Variants in SEC14L5 observed in about 807,000 individuals in gnomAD.
SEC14L5 encodes SEC14-like protein 5.
Under a neutral mutation model 84.6 loss-of-function variants are expected in SEC14L5, and 96 were observed. That is an observed-to-expected ratio of 1.13 (90% confidence interval 0.96 to 1.34). SEC14L5 has a LOEUF of 1.34. Among genes scored for constraint, SEC14L5 ranks in the 40% most tolerant of loss-of-function variants. SEC14L5 has a pLI of 0.00. For missense variants in SEC14L5, 1,224 were observed against 942.5 expected (o/e 1.30, Z -3.91); for synonymous variants, 546 against 383.4 (o/e 1.42, Z -4.95).
chr16:4,983,982 GAGAA>G (rs1321192021), intron 2 of SEC14L5, among the ~76,000 whole-genome samples: 3 of 152,120 alleles, frequency 2.0e-5, no homozygotes, highest in Non-Finnish European at 2.9e-5. Context: ...CACTTGGAGA[GAGAA>G]AGACACTTTT....
chr16:4,990,963 T>G lies in SEC14L5; in HGVS notation c.474+68T>G, dbSNP rs1955547174. 2.9e-6 allele frequency: 4 copies of G among 1,373,774 alleles called. No individual in the cohort carries two copies. In the African/African-American group the frequency reaches 4.5e-5, roughly 16 times the overall value. The allele number at this position is 1,373,774 out of a possible 1,614,324, so 85.1% of individuals were successfully genotyped here. ...ACCTGCTCTGCCATCAACAGCTGCA[T>G]GACCCCTGGCAAGACCCTTACCCTT... On this transcript the variant is annotated intron_variant, in intron 5 of 15. Transcript: ENST00000251170.
chr16:4,987,418 G>C (rs554134393), intron 2 of SEC14L5, 139 bp from the exon 3 acceptor site: 4 of 653,302 alleles, frequency 6.1e-6, no homozygotes, highest in Non-Finnish European at 1.0e-5. Context: ...TGGTAATGAC[G>C]GCAAAATCCC....
At chr16:4,966,515 T>TC (rs1201337551) in intron 2 of SEC14L5, among the ~76,000 whole-genome samples, 1 of 145,466 alleles carries the variant, frequency 6.9e-6, no homozygotes, top group Non-Finnish European at 1.5e-5. Context: ...CCTCAGGTAA[T>TC]CACCCGACTT....
chr16:4,968,047 C>A (rs1156836450), intron 2 of SEC14L5, among the ~76,000 whole-genome samples: 1 of 144,668 alleles, frequency 6.9e-6, no homozygotes, highest in Non-Finnish European at 1.5e-5. Context: ...GAGACAGGGG[C>A]TTGCTCTGTT....
Position 5,011,236 on chromosome 16 carries a change from C to T in SEC14L5, c.1942C>T (p.Leu648Phe), listed in dbSNP as rs751564711. Reference sequence around the variant, plus strand: ...CAGCCCCGGGCCCAAGTGCAAACTTCTCTACTACTGTGAGGTGCTCGCCTC... The same window carrying T: ...CAGCCCCGGGCCCAAGTGCAAACTTTTCTACTACTGTGAGGTGCTCGCCTC... ...LHSPGPKCKL[L>F]YYCEVLASED... The change falls in exon 15 of 16, where the codon CTC becomes TTC. Residue 648 changes from leucine (L) to phenylalanine (F), a missense_variant. Leu to Phe is a conservative substitution (Grantham distance 22). Transcript: ENST00000251170. 1.9e-6 allele frequency: 3 copies of T among 1,613,786 alleles called. No individual in the cohort carries two copies. The highest frequency in any genetic ancestry group is 8.5e-7 in the Non-Finnish European group (1 of 1,179,882).
At chr16:5,002,967 A>G (rs948326671) in intron 10 of SEC14L5, among the ~76,000 whole-genome samples, 1 of 152,238 alleles carries the variant, frequency 6.6e-6, no homozygotes, top group Non-Finnish European at 1.5e-5. Context: ...AGTAGGATAG[A>G]AATAACTCCC....
At chr16:5,000,827 G>A (rs1200369220) in intron 9 of SEC14L5, 28 bp from the exon 10 acceptor site, 12 of 1,588,118 alleles carry the variant, frequency 7.6e-6, no homozygotes, top group African/African-American at 2.7e-5. Context: ...CGAGGCGGAC[G>A]TTGAGCAGCA....
chr16:5,000,493 C>T (rs1017592623), intron 8 of SEC14L5, among the ~76,000 whole-genome samples, 162 bp from the exon 9 acceptor site: 1 of 152,168 alleles, frequency 6.6e-6, no homozygotes, highest in East Asian at 1.9e-4. Context: ...GGGCGTCAGC[C>T]CCTCTTGGAA....
intron 11 of SEC14L5, among the ~76,000 whole-genome samples, chr16:5,005,362 G>C (rs1383264551): frequency 6.6e-6 from 1 of 151,510 alleles, no homozygotes; most frequent in Non-Finnish European, 1.5e-5. Context: ...AATCCACAGA[G>C]ACAGAGTGTA....
At chr16:4,989,356 A>G (rs1436092354) in intron 4 of SEC14L5, among the ~76,000 whole-genome samples, 4 of 140,110 alleles carry the variant, frequency 2.9e-5, no homozygotes, top group African/African-American at 5.3e-5. Context: ...TTTTTGAGAG[A>G]CAGTCTCGCT....
rs1457270153 is a variant in SEC14L5 at position 4,990,813 on chromosome 16, C to T, written c.392C>T (p.Ser131Leu). Reference protein sequence around the residue: ...EDWTCFEQSASLDIRSFFGFE... With the variant: ...EDWTCFEQSALLDIRSFFGFE... ...TGGACTTGCTTCGAGCAGTCTGCCTCACTGGACATTCGGTCTTTCTTTGGC... is the reference window on the plus strand; with the variant it reads ...TGGACTTGCTTCGAGCAGTCTGCCTTACTGGACATTCGGTCTTTCTTTGGC... Residue 131 changes from serine (S) to leucine (L), a missense_variant, in exon 5 of 16, where the codon TCA becomes TTA. Transcript: ENST00000251170. 1.2e-6 allele frequency: 2 copies of T among 1,612,080 alleles called. No homozygotes were observed. Among genetic ancestry groups the T allele is most frequent in the Non-Finnish European group, 1.7e-6 (2 of 1,179,018 alleles).
chr16:4,987,549 G>A lies in SEC14L5; in HGVS notation c.64-8G>A. ...CACCACGGCCGCTCACTGCCGCTCT[G>A]CCCCCAGGCCTACGAGAAGCGTTTC... On this transcript the variant is annotated splice_polypyrimidine_tract_variant and splice_region_variant and intron_variant, in intron 2 of 15. Transcript: ENST00000251170. The A allele has an allele frequency of 6.5e-7, 1 of 1,544,468 alleles. No individual in the cohort carries two copies. Among genetic ancestry groups the A allele is most frequent in the Non-Finnish European group, 8.7e-7 (1 of 1,145,522 alleles).
Position 5,008,586 on chromosome 16 carries a change from C to A in SEC14L5, c.1738C>A (p.Leu580Met). 6.2e-7 allele frequency: 1 copy of A among 1,607,252 alleles called. No homozygotes were observed. The highest frequency in any genetic ancestry group is 8.5e-7 in the Non-Finnish European group (1 of 1,178,112). Residue 580 changes from leucine to methionine, a missense_variant, in exon 14 of 16, where the codon CTG (leucine) becomes ATG (methionine). Transcript: ENST00000251170. ...GCAGCTGATCGACAAAGGCTGGGTC[C>A]TGGGCAGGGATTACAGCCGTGTGGA... is the stretch of plus-strand genomic sequence containing the variant. ...SGQLIDKGWV[L>M]GRDYSRVEAP...
At chr16:4,969,395 T>C (rs1444331345) in intron 2 of SEC14L5, among the ~76,000 whole-genome samples, 1 of 152,166 alleles carries the variant, frequency 6.6e-6, no homozygotes, top group Non-Finnish European at 1.5e-5. Context: ...ACTTTCTTTT[T>C]TTTTTTTGAG....
intron 2 of SEC14L5, among the ~76,000 whole-genome samples, chr16:4,978,848 G>A (rs981285337): frequency 6.6e-6 from 1 of 152,116 alleles, no homozygotes; most frequent in Admixed American, 6.5e-5. Flanking sequence ...TGATCTGCCC[G>A]CCTTGGCCTC....
At chr16:5,009,649 A>T (rs1417040246) in intron 14 of SEC14L5, among the ~76,000 whole-genome samples, 1 of 151,574 alleles carries the variant, frequency 6.6e-6, no homozygotes, top group Non-Finnish European at 1.5e-5. Context: ...AACCACAAAG[A>T]CTCTATTTCC....
intron 2 of SEC14L5, among the ~76,000 whole-genome samples, chr16:4,967,473 A>T (rs1170772062): frequency 6.6e-6 from 1 of 151,034 alleles, no homozygotes; most frequent in Non-Finnish European, 1.5e-5. Context: ...TACATTTCAC[A>T]GCTGGGATTT....
intron 2 of SEC14L5, among the ~76,000 whole-genome samples, chr16:4,984,906 TA>T (rs1955467248): frequency 6.6e-6 from 1 of 152,236 alleles, no homozygotes; most frequent in African/African-American, 2.4e-5. Flanking sequence ...TGTTGAATTC[TA>T]ACACTCGTTT....
chr16:4,975,790 G>T (rs1358494857), intron 2 of SEC14L5, among the ~76,000 whole-genome samples: 1 of 152,168 alleles, frequency 6.6e-6, no homozygotes, highest in Non-Finnish European at 1.5e-5. Flanking sequence ...GGGGTTGATA[G>T]GGAGACTCCT....
Sources: gnomAD v4.1 joint callset for allele counts (sites outside exome capture counted in the v4.1 genomes callset) on GRCh38, gnomAD v4.1.1 for gene constraint, MANE v1.5 for transcripts, NCBI Gene and HGNC (gene_info 2026-07-23, HGNC 2026-07-21) for gene names.